SWAP70: variants seen among roughly 807,000 people sequenced by gnomAD.
SWAP70 encodes the protein switch-associated protein 70.
Under a neutral mutation model 80.2 loss-of-function variants are expected in SWAP70, and 34 were observed. The ratio of observed to expected loss-of-function variants is 0.42; its 90% confidence interval spans 0.32 to 0.56. SWAP70 has a LOEUF of 0.56. Ranked by LOEUF, SWAP70 falls within the 20% of genes least tolerant of loss-of-function variation. The probability of loss-of-function intolerance (pLI) is 0.09; values close to 1 mark genes in which losing one functional copy is unlikely to be tolerated. For synonymous variants in SWAP70, 239 were observed against 238.5 expected (o/e 1.00, Z -0.02); for missense variants, 578 against 690.7 (o/e 0.84, Z 1.83).
chr11:9,743,326 T>C, intron 9 of SWAP70, among the ~76,000 whole-genome samples: 1 of 151,714 alleles, frequency 6.6e-6, no homozygotes, highest in East Asian at 1.9e-4. Flanking sequence ...TGATTCCAAG[T>C]CTTTGCTATT....
chr11:9,702,318 G>A (rs953494732), intron 2 of SWAP70, among the ~76,000 whole-genome samples: 1 of 151,970 alleles, frequency 6.6e-6, no homozygotes, highest in East Asian at 1.9e-4. Context: ...ACCCAAACCC[G>A]TGCTTTCATG....
chr11:9,694,079 T>C lies in SWAP70; in HGVS notation c.100-67T>C, dbSNP rs886704611. On this transcript the variant is annotated intron_variant, in intron 1 of 11. Coordinates refer to ENST00000318950, the MANE Select transcript of SWAP70 (RefSeq NM_015055.4). ...ACCCAGGAGAGGGAGCAGCATGTTGTACTCATGGTGAAGGTGTCATGTGCT... is the reference window on the plus strand; with the variant it reads ...ACCCAGGAGAGGGAGCAGCATGTTGCACTCATGGTGAAGGTGTCATGTGCT... 2.7e-5 allele frequency: 40 copies of C among 1,489,440 alleles called. 1 individual carries two copies. The highest frequency in any genetic ancestry group is 3.4e-5 in the Non-Finnish European group (38 of 1,115,674). The allele number at this position is 1,489,440 out of a possible 1,614,324, so 92.3% of individuals were successfully genotyped here. A position where few individuals can be genotyped will look rare whatever the true frequency, so the allele number is the denominator to read the frequency against.
chr11:9,704,241 A>C (rs1281692388), intron 2 of SWAP70, among the ~76,000 whole-genome samples: 1 of 152,130 alleles, frequency 6.6e-6, no homozygotes, highest in African/African-American at 2.4e-5. Context: ...ATATGACCTC[A>C]CTGTGCAAAC....
At chr11:9,742,550 T>C (rs965271371) in intron 9 of SWAP70, among the ~76,000 whole-genome samples, 2 of 152,180 alleles carry the variant, frequency 1.3e-5, no homozygotes, top group Non-Finnish European at 2.9e-5. Flanking sequence ...TTGGCCAGGA[T>C]GGACTCCATC....
chr11:9,713,153 T>A (rs1307428836), intron 2 of SWAP70, among the ~76,000 whole-genome samples: 1 of 152,234 alleles, frequency 6.6e-6, no homozygotes, highest in African/African-American at 2.4e-5. Flanking sequence ...GAGAGGTCAG[T>A]GCTAGGATTG....
chr11:9,664,298 G>T lies in SWAP70; in HGVS notation c.99+20G>T, dbSNP rs780501601. ...CTCAAGGTGGGCGCCTCCTGACCCGGCCCCCCACCCGACCCTCCCCGGCGC... is the reference window on the plus strand; with the variant it reads ...CTCAAGGTGGGCGCCTCCTGACCCGTCCCCCCACCCGACCCTCCCCGGCGC... On this transcript the variant is annotated intron_variant, in intron 1 of 11. Transcript: ENST00000318950. The T allele has an allele frequency of 6.5e-7, 1 of 1,548,184 alleles. No individual in the cohort carries two copies. The highest frequency in any genetic ancestry group is 8.7e-7 in the Non-Finnish European group (1 of 1,146,584).
chr11:9,730,325 C>T (rs1335533261), intron 6 of SWAP70, among the ~76,000 whole-genome samples: 1 of 95,530 alleles, frequency 1.0e-5, no homozygotes, highest in Non-Finnish European at 2.2e-5. Context: ...CCCGTCTCTA[C>T]TTAAAAAAAA....
At chr11:9,748,212 ATATAT>A (rs1313876618) in intron 10 of SWAP70, among the ~76,000 whole-genome samples, 156 bp downstream of exon 10, 2 of 152,220 alleles carry the variant, frequency 1.3e-5, no homozygotes, top group South Asian at 2.1e-4. Context: ...AGGAGATAAG[ATATAT>A]TATACATCCA....
At chr11:9,749,285 C>A in intron 11 of SWAP70, 102 bp downstream of exon 11, 1 of 552,050 alleles carries the variant, frequency 1.8e-6, no homozygotes, top group Non-Finnish European at 2.4e-6. Flanking sequence ...CTCTGTCGCC[C>A]AGGCTGGATG....
chr11:9,725,025 A>G, intron 4 of SWAP70, 140 bp downstream of exon 4: 1 of 652,854 alleles, frequency 1.5e-6, no homozygotes, highest in Non-Finnish European at 2.6e-6. Flanking sequence ...TTTTTGAGAC[A>G]GTCTTGCTCT....
rs752176681 is a variant in SWAP70 at position 9,724,656 on chromosome 11, A to G, written c.415-2A>G. On this transcript the variant is annotated splice_acceptor_variant, in intron 3 of 11. Coordinates refer to ENST00000318950, the MANE Select transcript of SWAP70 (RefSeq NM_015055.4). LOFTEE classifies it high-confidence loss of function. Reference sequence around the variant, plus strand: ...AATAATTATTTCACATTCTTTATGTAGATTGAATACCTGCTTAAGAAGCTT... The same window carrying G: ...AATAATTATTTCACATTCTTTATGTGGATTGAATACCTGCTTAAGAAGCTT... The G allele has an allele frequency of 6.2e-7, 1 of 1,602,330 alleles. No homozygotes were observed. The highest frequency in any genetic ancestry group is 1.7e-5 in the Admixed American group (1 of 58,752).
chr11:9,709,755 C>A (rs1354869291), intron 2 of SWAP70, among the ~76,000 whole-genome samples: 1 of 152,126 alleles, frequency 6.6e-6, no homozygotes, highest in African/African-American at 2.4e-5. Flanking sequence ...TCCTAAAGTG[C>A]TGGAATTACA....
In SWAP70 at chr11:9,664,146, C is replaced by T; in HGVS notation, c.-34C>T. On this transcript the variant is annotated 5_prime_UTR_variant, in exon 1 of 12. Transcript: ENST00000318950. Reference sequence around the variant, plus strand: ...CCGAGGCGCGGAGGGGCTGGCTGGGCAGGAGGGGTTGGCGGGGCAGCAGGG... The same window carrying T: ...CCGAGGCGCGGAGGGGCTGGCTGGGTAGGAGGGGTTGGCGGGGCAGCAGGG... 6.5e-7 allele frequency: 1 copy of T among 1,542,438 alleles called. No individual in the cohort carries two copies. Among genetic ancestry groups the T allele is most frequent in the Admixed American group, 2.0e-5 (1 of 50,344 alleles).
chr11:9,694,697 A>G (rs542288610), intron 2 of SWAP70, among the ~76,000 whole-genome samples: 2 of 152,364 alleles, frequency 1.3e-5, no homozygotes, highest in Admixed American at 1.3e-4. Context: ...CACGGCCAAC[A>G]AACATGAAAA....
intron 2 of SWAP70, among the ~76,000 whole-genome samples, chr11:9,710,362 C>CAA (rs1850979000): frequency 1.3e-5 from 2 of 152,062 alleles, no homozygotes; most frequent in African/African-American, 4.8e-5. Flanking sequence ...TGCTGCTTTC[C>CAA]CTCCATGGGA....
intron 1 of SWAP70, among the ~76,000 whole-genome samples, chr11:9,667,232 C>CTG (rs139870073): frequency 0.71 from 103,241 of 146,318 alleles, 41,419 homozygotes; most frequent in Non-Finnish European, 0.9. Context: ...TTTCACACTT[C>CTG]TGTGTGTGTG....
chr11:9,712,742 T>C (rs1851014645), intron 2 of SWAP70, among the ~76,000 whole-genome samples: 1 of 150,924 alleles, frequency 6.6e-6, no homozygotes, highest in African/African-American at 2.4e-5. Context: ...TTCCTTTTTT[T>C]TTTTTTTTTT....
intron 1 of SWAP70, among the ~76,000 whole-genome samples, chr11:9,669,483 G>A (rs1356692222): frequency 6.6e-6 from 1 of 152,150 alleles, no homozygotes; most frequent in South Asian, 2.1e-4. Flanking sequence ...ACCTGCCTCG[G>A]TCACCCAAAG....
chr11:9,680,662 C>T lies in SWAP70; in HGVS notation c.100-13484C>T, dbSNP rs143316649. 8.7e-3 allele frequency among the ~76,000 whole-genome samples: 1,328 copies of T among 152,186 alleles called. 8 individuals carry two copies. Among genetic ancestry groups the T allele is most frequent in the Non-Finnish European group, 0.012 (841 of 68,016 alleles). On this transcript the variant is annotated intron_variant, in intron 1 of 11. Coordinates refer to ENST00000318950, the MANE Select transcript of SWAP70 (RefSeq NM_015055.4). The stretch of plus-strand genomic sequence containing the variant: ...AACTCCTGACCTCAGGTGATCCACC[C>T]GCCACAGCCTCCTGAAGTGCTGGGA...
Sources: allele counts gnomAD v4.1 joint callset (sites outside exome capture counted in the v4.1 genomes callset), GRCh38; gene constraint gnomAD v4.1.1; transcripts MANE v1.5; gene names NCBI Gene and HGNC (gene_info 2026-07-23, HGNC 2026-07-21).